The following TBXAS1 variants were observed in gnomAD, a reference collection of about 807,000 sequenced individuals.
The protein encoded by TBXAS1 is thromboxane A synthase 1.
Under a neutral mutation model 60.7 loss-of-function variants are expected in TBXAS1, and 48 were observed. The ratio of observed to expected loss-of-function variants is 0.79; its 90% CI spans 0.63 to 1.01. The LOEUF is 1.01. TBXAS1 is among the 50% of genes least tolerant of loss of function. TBXAS1 has a pLI of 0.00. For synonymous variants in TBXAS1, 287 were observed against 269.7 expected (o/e 1.06, Z -0.63); for missense variants, 685 against 686.3 (o/e 1.00, Z 0.02).
chr7:139,917,056 C>A (rs1174004891), intron 4 of TBXAS1, among the ~76,000 whole-genome samples: 2 of 152,200 alleles, frequency 1.3e-5, no homozygotes, highest in Non-Finnish European at 2.9e-5. Flanking sequence ...AGAGTGGTTG[C>A]CATGCATGAC....
chr7:139,991,652 CAT>C (rs1201976150), intron 9 of TBXAS1, among the ~76,000 whole-genome samples: 7 of 152,176 alleles, frequency 4.6e-5, no homozygotes, highest in Admixed American at 2.0e-4. Flanking sequence ...AGCATAAAGA[CAT>C]AGAAACACAT....
At chr7:139,929,625 G>A (rs1269595058) in intron 4 of TBXAS1, among the ~76,000 whole-genome samples, 1 of 152,202 alleles carries the variant, frequency 6.6e-6, no homozygotes, top group African/African-American at 2.4e-5. Context: ...ATATCTAACA[G>A]CTATAAATGT....
intron 4 of TBXAS1, among the ~76,000 whole-genome samples, chr7:139,812,876 G>A (rs1036249910): frequency 1.3e-5 from 2 of 151,932 alleles, no homozygotes; most frequent in African/African-American, 4.8e-5. Flanking sequence ...GGCCATCATG[G>A]CAAAACCCGG....
chr7:139,941,318 G>C lies in TBXAS1; in HGVS notation c.450+5011G>C, dbSNP rs527378734. 1.3e-4 allele frequency among the ~76,000 whole-genome samples: 20 copies of C among 152,276 alleles called. No individual in the cohort carries two copies. In the East Asian group the frequency reaches 3.9e-3, roughly 29 times the overall value. ...AGTATGGTCAATATTCAAAAGCTTTGGATGGCGTTGTCTTCGTTTATGCGG... is the reference window on the plus strand; with the variant it reads ...AGTATGGTCAATATTCAAAAGCTTTCGATGGCGTTGTCTTCGTTTATGCGG... On this transcript the variant is annotated intron_variant, in intron 5 of 12. Coordinates refer to ENST00000448866, the MANE Select transcript of TBXAS1 (RefSeq NM_001061.7).
In TBXAS1 at chr7:139,844,567, A is replaced by T. The variant is rs540540848; in HGVS notation, c.89+15088A>T. ...GACATTTTCCTTAACCTGCACCACC[A>T]TCGCGTTGTCAATAAATGCACGATT... is the stretch of plus-strand genomic sequence containing the variant. On this transcript the variant is annotated intron_variant, in intron 1 of 12. Coordinates refer to ENST00000448866, the MANE Select transcript of TBXAS1 (RefSeq NM_001061.7). 1.6e-4 allele frequency among the ~76,000 whole-genome samples: 25 copies of T among 152,320 alleles called. No individual in the cohort carries two copies. The South Asian group carries it at 5.0e-3, about 30-fold the overall frequency.
intron 9 of TBXAS1, among the ~76,000 whole-genome samples, chr7:139,976,223 G>C (rs974702421): frequency 6.6e-6 from 1 of 152,220 alleles, no homozygotes; most frequent in African/African-American, 2.4e-5. Flanking sequence ...CAGGGCCTCT[G>C]TCAGGGGCCA....
Position 139,880,040 on chromosome 7 carries a change from C to A in TBXAS1, c.236+4403C>A, listed in dbSNP as rs138743010. On this transcript the variant is annotated intron_variant, in intron 3 of 12. Coordinates refer to ENST00000448866, the MANE Select transcript of TBXAS1 (RefSeq NM_001061.7). ...CTGGGAATACAGGCATGTGCCATCA[C>A]GCCCAGCAAATTTTTGTATTTTTGG... Among the ~76,000 whole-genome samples the A allele has an allele frequency of 5.8e-3, 884 of 152,204 alleles. 7 individuals are homozygous for A. The highest frequency in any genetic ancestry group is 0.026 in the South Asian group (125 of 4,812).
At chr7:139,951,163 A>C (rs1809224717) in intron 5 of TBXAS1, among the ~76,000 whole-genome samples, 1 of 152,182 alleles carries the variant, frequency 6.6e-6, no homozygotes, top group Non-Finnish European at 1.5e-5. Flanking sequence ...GGTCCCTAAA[A>C]AAATCGAAAT....
intron 1 of TBXAS1, among the ~76,000 whole-genome samples, chr7:139,862,929 G>A (rs1334013967): frequency 6.6e-6 from 1 of 152,194 alleles, no homozygotes; most frequent in Admixed American, 6.5e-5. Context: ...GACAGAAAGG[G>A]ACAGTAAGTA....
At chr7:139,932,820 A>C (rs1399141518) in intron 4 of TBXAS1, among the ~76,000 whole-genome samples, 1 of 152,124 alleles carries the variant, frequency 6.6e-6, no homozygotes, top group Non-Finnish European at 1.5e-5. Flanking sequence ...ACTTTGGGAG[A>C]CCAAGGTGGG....
intron 8 of TBXAS1, among the ~76,000 whole-genome samples, chr7:139,960,965 T>C (rs1810286541): frequency 2.0e-5 from 3 of 152,214 alleles, no homozygotes; most frequent in Admixed American, 6.5e-5. Context: ...TTAAAGAGCA[T>C]TTCAAAGAAG....
At position 139,904,999 on chromosome 7, in the gene TBXAS1, C is replaced by T. The variant is rs1163337436; in HGVS notation, c.237-6226C>T. 2.1e-3 allele frequency among the ~76,000 whole-genome samples: 201 copies of T among 97,196 alleles called. 1 individual carries two copies. The highest frequency in any genetic ancestry group is 0.013 in the South Asian group (36 of 2,706). The allele number at this position is 97,196 out of a possible 152,430, so 63.8% of individuals were successfully genotyped here. On this transcript the variant is annotated intron_variant, in intron 3 of 12. Transcript: ENST00000448866. ...TTTCTTTCTCTTTCTCTCTTTCTCT[C>T]TTTCTCTCTTTCTTTCTTTCTTTCT...
rs1392343525 is a variant in TBXAS1 at position 139,999,082 on chromosome 7, T to C, written c.1135-8009T>C. 6.6e-6 allele frequency among the ~76,000 whole-genome samples: 1 copy of C among 152,228 alleles called. No individual in the cohort carries two copies. Among genetic ancestry groups the C allele is most frequent in the East Asian group, 1.9e-4 (1 of 5,198 alleles). ...CCAGCAATGTGGATGGAAAGATTTA[T>C]CACCCCCTCTCATAACCAAACCTCC... On this transcript the variant is annotated intron_variant, in intron 9 of 12. Transcript: ENST00000448866. This position sits in a 1 kb window ranked among gnomAD's most constrained non-coding sequence, Gnocchi z 4.3.
intron 9 of TBXAS1, among the ~76,000 whole-genome samples, chr7:139,970,464 C>T (rs1811117935): frequency 6.6e-6 from 1 of 152,236 alleles, no homozygotes; most frequent in South Asian, 2.1e-4. Context: ...GTCCATGGCC[C>T]ACACTATGTA....
At chr7:139,907,621 T>C (rs939178329) in intron 3 of TBXAS1, among the ~76,000 whole-genome samples, 3 of 152,094 alleles carry the variant, frequency 2.0e-5, no homozygotes, top group East Asian at 1.9e-4. Flanking sequence ...GAATTCTTCA[T>C]TGAGAATTCT....
intron 3 of TBXAS1, among the ~76,000 whole-genome samples, chr7:139,785,943 C>G (rs909393962): frequency 6.6e-6 from 1 of 151,660 alleles, no homozygotes; most frequent in Non-Finnish European, 1.5e-5. Flanking sequence ...TGAAGCCTTT[C>G]CTATTCCCCA....
intron 1 of TBXAS1, among the ~76,000 whole-genome samples, chr7:139,836,068 A>G (rs982108053): frequency 1.4e-4 from 21 of 150,474 alleles, no homozygotes; most frequent in African/African-American, 5.1e-4. Flanking sequence ...ATAAATAAAT[A>G]AATAAATAAA....
upstream of TBXAS1, chr7:139,829,034 A>G (rs1188936025): frequency 5.2e-6 from 2 of 383,462 alleles, no homozygotes; most frequent in African/African-American, 4.2e-5. Flanking sequence ...CTCTTTGAAG[A>G]CTTCCTCTCA....
chr7:139,953,425 G>A lies in TBXAS1; in HGVS notation c.508G>A (p.Ala170Thr), dbSNP rs1385819231. ...TCTCCTGGCTCATTTAAAACGCTAT[G>A]CGGAATCTGGGGACGCATTTGACAT... ...DLLLAHLKRY[A>T]ESGDAFDIQR... is the part of the protein sequence containing the mutation. The change falls in exon 6 of 13, where the codon GCG becomes ACG. Residue 170 changes from alanine to threonine, a missense_variant. Ala to Thr is a moderately conservative substitution (Grantham distance 58). Transcript: ENST00000448866. 6.2e-7 allele frequency: 1 copy of A among 1,614,180 alleles called. No individual in the cohort carries two copies. The highest frequency in any genetic ancestry group is 1.3e-5 in the African/African-American group (1 of 75,044).
Sources: gnomAD v4.1 joint callset for allele counts (sites outside exome capture counted in the v4.1 genomes callset) on GRCh38, gnomAD v4.1.1 for gene constraint, Gnocchi (gnomAD v3.1) non-coding constraint, MANE v1.5 for transcripts, NCBI Gene and HGNC (gene_info 2026-07-23, HGNC 2026-07-21) for gene names.